PPIE: variants seen among roughly 807,000 people sequenced by gnomAD.
PPIE encodes the protein peptidylprolyl isomerase E, also known as peptidyl-prolyl cis-trans isomerase E.
Under a neutral mutation model 38.4 loss-of-function variants are expected in PPIE, and 20 were observed. That is an observed-to-expected ratio of 0.52 (90% CI 0.37 to 0.76). PPIE has a LOEUF of 0.76. Among genes scored for constraint, PPIE ranks in the 30% least tolerant of loss-of-function variants. PPIE has a pLI of 0.00. For missense variants in PPIE, 322 were observed against 385.8 expected, an observed-to-expected ratio of 0.83 and a Z score of 1.39; for synonymous variants, 142 against 135.7, an observed-to-expected ratio of 1.05 and a Z score of -0.32.
chr1:39,744,229 C>A (rs187762278), intron 6 of PPIE, among the ~76,000 whole-genome samples: 1 of 152,194 alleles, frequency 6.6e-6, no homozygotes, highest in Non-Finnish European at 1.5e-5. Context: ...TGAGGTGCCC[C>A]TCTTCACCCC....
chr1:39,746,410 A>T (rs1464227265), intron 7 of PPIE: 1 of 152,002 alleles, frequency 6.6e-6, no homozygotes, highest in Non-Finnish European at 1.5e-5. Context: ...TTAAGGGGAG[A>T]TGAGGGCAAG....
chr1:39,738,945 G>C lies in PPIE; in HGVS notation c.31+14G>C. On this transcript the variant is annotated intron_variant, in intron 1 of 9. Coordinates refer to ENST00000324379, the MANE Select transcript of PPIE (RefSeq NM_006112.4). ...TCTTGTACGTGGGTGAGCAGGAGGG[G>C]TTGCTAGGCGGAGTCTGAGTGAACG... 6.8e-7 allele frequency: 1 copy of C among 1,470,562 alleles called. No individual in the cohort carries two copies. Among genetic ancestry groups the C allele is most frequent in the African/African-American group, 1.5e-5 (1 of 68,308 alleles). The allele number at this position is 1,470,562 out of a possible 1,614,324, so 91.1% of individuals were successfully genotyped here.
At position 39,738,909 on chromosome 1, in the gene PPIE, C is replaced by A; in HGVS notation, c.9C>A (p.Thr3=). MA[T]TKRVLYVGGL... The stretch of plus-strand genomic sequence containing the variant: ...AAAAGCGCGCGAGCAAGATGGCCAC[C>A]ACCAAGCGCGTCTTGTACGTGGGTG... Residue 3 remains threonine (T), a synonymous_variant, in exon 1 of 10, where the codon ACC becomes ACA. Coordinates refer to ENST00000324379, the MANE Select transcript of PPIE (RefSeq NM_006112.4). The A allele has an allele frequency of 6.6e-7, 1 of 1,507,456 alleles. No individual in the cohort carries two copies. Among genetic ancestry groups the A allele is most frequent in the South Asian group, 1.3e-5 (1 of 76,678 alleles). 93.4% of individuals were successfully genotyped at this position (1,507,456 alleles called of 1,614,324 possible). A position where few individuals can be genotyped will look rare whatever the true frequency, so the allele number is the denominator to read the frequency against.
At chr1:39,762,752 C>G in intron 9 of PPIE, 1 of 1,369,498 alleles carries the variant, frequency 7.3e-7, no homozygotes, top group African/African-American at 1.5e-5. Context: ...GATCACACAG[C>G]CCCCACACAG....
At chr1:39,749,616 T>C (rs1647497095) in intron 8 of PPIE, among the ~76,000 whole-genome samples, 1 of 152,132 alleles carries the variant, frequency 6.6e-6, no homozygotes, top group African/African-American at 2.4e-5. Flanking sequence ...CATCTAATGC[T>C]TCACCTCCTG....
At chr1:39,745,309 A>C in intron 6 of PPIE, 66 bp from the exon 7 acceptor site, 1 of 1,602,552 alleles carries the variant, frequency 6.2e-7, no homozygotes, top group South Asian at 1.1e-5. Context: ...GGGTGTGTAG[A>C]ATACTCGCAC....
In PPIE at chr1:39,739,147, A is replaced by C. The variant is rs568166906; in HGVS notation, c.31+216A>C. On this transcript the variant is annotated intron_variant, in intron 1 of 9. Transcript: ENST00000324379. Reference sequence around the variant, plus strand: ...AAGTGCAGACTTCTTAGCAGTACGCACTTCTCCAGCTTCTTTGCTTTGCTT... The same window carrying C: ...AAGTGCAGACTTCTTAGCAGTACGCCCTTCTCCAGCTTCTTTGCTTTGCTT... 1.6e-4 allele frequency: 72 copies of C among 442,412 alleles called. 1 individual carries two copies. The East Asian group carries it at 2.5e-3, about 15-fold the overall frequency. 27.4% of individuals were successfully genotyped at this position (442,412 alleles called of 1,614,324 possible). A position where few individuals can be genotyped will look rare whatever the true frequency, so the allele number is the denominator to read the frequency against.
chr1:39,742,077 TA>T, intron 4 of PPIE, 156 bp downstream of exon 4: 1 of 717,818 alleles, frequency 1.4e-6, no homozygotes, highest in Non-Finnish European at 2.3e-6. Context: ...TGATCACTTA[TA>T]AAATTAGTTC....
rs573685871 is a variant in PPIE, at chr1:39,756,251, C to T, written c.*2896C>T. ...TCCTGCAGCCTGGAGAGCAAAGCGG[C>T]TTTCCCTGGGACTGTGTGGCTCCTG... is the stretch of plus-strand genomic sequence containing the variant. On this transcript the variant is annotated 3_prime_UTR_variant, in exon 10 of 10. Coordinates refer to ENST00000324379, the MANE Select transcript of PPIE (RefSeq NM_006112.4). 6.3e-4 allele frequency: 620 copies of T among 985,494 alleles called. 1 individual carries two copies. The African/African-American group carries it at 0.01, about 16-fold the overall frequency. 61.0% of individuals were successfully genotyped at this position (985,494 alleles called of 1,614,324 possible). A position where few individuals can be genotyped will look rare whatever the true frequency, so the allele number is the denominator to read the frequency against.
chr1:39,741,673 G>A (rs1647061290), intron 3 of PPIE: 2 of 626,816 alleles, frequency 3.2e-6, no homozygotes, highest in Non-Finnish European at 5.6e-6. Flanking sequence ...ATTCTTGCCT[G>A]GAAGTAGTGA....
At chr1:39,756,868 A>G (rs61779796), downstream of PPIE, among the ~76,000 whole-genome samples, 2,036 of 152,292 alleles carry the variant, frequency 0.013, 93 homozygotes, top group East Asian at 0.14. Context: ...TTTTTTGAGA[A>G]GTGAAAGACA....
At chr1:39,741,571 C>A in intron 3 of PPIE, 162 bp downstream of exon 3, 1 of 745,422 alleles carries the variant, frequency 1.3e-6, no homozygotes, top group Admixed American at 2.5e-5. Flanking sequence ...CTCACATAAT[C>A]AGACTGGACT....
At position 39,738,883 on chromosome 1, in the gene PPIE, G is replaced by A; in HGVS notation, c.-18G>A. 1 of 1,517,592 alleles carries A rather than the reference G, an allele frequency of 6.6e-7. No homozygotes were observed. Among genetic ancestry groups the A allele is most frequent in the Non-Finnish European group, 8.8e-7 (1 of 1,136,096 alleles). The allele number at this position is 1,517,592 out of a possible 1,614,324, so 94.0% of individuals were successfully genotyped here. On this transcript the variant is annotated 5_prime_UTR_variant, in exon 1 of 10. Coordinates refer to ENST00000324379, the MANE Select transcript of PPIE (RefSeq NM_006112.4). Reference sequence around the variant, plus strand: ...ACGGGTCGAGTGCTGGCTTCCGGCGGAAAAGCGCGCGAGCAAGATGGCCAC... The same window carrying A: ...ACGGGTCGAGTGCTGGCTTCCGGCGAAAAAGCGCGCGAGCAAGATGGCCAC...
intron 9 of PPIE, chr1:39,763,131 G>A (rs148004271): frequency 2.2e-5 from 35 of 1,613,994 alleles, no homozygotes; most frequent in Non-Finnish European, 2.5e-5. Context: ...CATTCATGCA[G>A]GAGTCCAGTG....
chr1:39,753,699 ATATTGC>A lies in PPIE; in HGVS notation c.*346_*351del. On this transcript the variant is annotated 3_prime_UTR_variant, in exon 10 of 10. Transcript: ENST00000324379. ...TTTGCTAAAATAAACCCTAGTTCTTATATTGCTCTTCCTGCTAGTTCTTGGGAGTTG... is the reference window on the plus strand; with the variant it reads ...TTTGCTAAAATAAACCCTAGTTCTTATCTTCCTGCTAGTTCTTGGGAGTTG... 9.3e-7 allele frequency: 1 copy of A among 1,078,720 alleles called. No homozygotes were observed. Among genetic ancestry groups the A allele is most frequent in the Non-Finnish European group, 1.1e-6 (1 of 889,458 alleles). The allele number at this position is 1,078,720 out of a possible 1,614,324, so 66.8% of individuals were successfully genotyped here.
rs934422157 is a variant in PPIE at position 39,745,511 on chromosome 1, C to T, written c.508+13C>T. 1.2e-6 allele frequency: 2 copies of T among 1,614,114 alleles called. No homozygotes were observed. Among genetic ancestry groups the T allele is most frequent in the Non-Finnish European group, 1.7e-6 (2 of 1,180,048 alleles). ...CCCATGACAGCAGGTGAGCAGGACG[C>T]TGTGGTCAGAACGGCGGGACGCTGG... On this transcript the variant is annotated intron_variant, in intron 7 of 9. Coordinates refer to ENST00000324379, the MANE Select transcript of PPIE (RefSeq NM_006112.4).
Position 39,749,103 on chromosome 1 carries a change from G to T in PPIE, c.694+15G>T. The T allele has an allele frequency of 1.3e-6, 2 of 1,571,880 alleles. No homozygotes were observed. Among genetic ancestry groups the T allele is most frequent in the East Asian group, 4.5e-5 (2 of 44,530 alleles). ...TACGGGACCAGGTAGGAGCCAGTTG[G>T]CATGTGGTGACGAGGGAGGCTGGGC... On this transcript the variant is annotated intron_variant, in intron 8 of 9. Coordinates refer to ENST00000324379, the MANE Select transcript of PPIE (RefSeq NM_006112.4).
chr1:39,754,767 A>C lies in PPIE; in HGVS notation c.*1412A>C, dbSNP rs1008926414. Among the ~76,000 whole-genome samples, 1 of 152,170 alleles carries C rather than the reference A, an allele frequency of 6.6e-6. No individual in the cohort carries two copies. Among genetic ancestry groups the C allele is most frequent in the Non-Finnish European group, 1.5e-5 (1 of 68,032 alleles). ...CAGCTACTCAGAAGGCTGAGGTGGG[A>C]GGATCGCTTGAACCTGGGAGGTTGA... is the stretch of plus-strand genomic sequence containing the variant. On this transcript the variant is annotated 3_prime_UTR_variant, in exon 10 of 10. Coordinates refer to ENST00000324379, the MANE Select transcript of PPIE (RefSeq NM_006112.4).
chr1:39,749,629 T>G (rs1472199070), intron 8 of PPIE, among the ~76,000 whole-genome samples: 4 of 152,178 alleles, frequency 2.6e-5, no homozygotes, highest in African/African-American at 9.6e-5. Flanking sequence ...ACCTCCTGCA[T>G]CTCTCCACTC....
Sources: allele counts gnomAD v4.1 joint callset (sites outside exome capture counted in the v4.1 genomes callset), GRCh38; gene constraint gnomAD v4.1.1; transcripts MANE v1.5; gene names NCBI Gene and HGNC (gene_info 2026-07-23, HGNC 2026-07-21).